CTXND2: variants seen among roughly 807,000 people sequenced by gnomAD.
The protein encoded by CTXND2 is cortexin domain containing 2.
chr1:150,896,013 G>C (rs1424445607), intron 1 of CTXND2, among the ~76,000 whole-genome samples: 1 of 152,184 alleles, frequency 6.6e-6, no homozygotes, highest in Non-Finnish European at 1.5e-5. Context: ...TATAAGACTA[G>C]TTCTCTTTCT....
At chr1:150,894,879 TAAA>T (rs1369427839) in intron 1 of CTXND2, among the ~76,000 whole-genome samples, 1 of 151,754 alleles carries the variant, frequency 6.6e-6, no homozygotes, top group African/African-American at 2.4e-5. Flanking sequence ...CTACTAAAAA[TAAA>T]AAATTAGCCG....
At chr1:150,901,840 C>G (rs587622157) in intron 1 of CTXND2, among the ~76,000 whole-genome samples, 23 of 151,534 alleles carry the variant, frequency 1.5e-4, no homozygotes, top group African/African-American at 5.3e-4. Context: ...ATGGCGTGAA[C>G]CTGGGAGGTG....
chr1:150,901,330 C>G (rs766856650), intron 1 of CTXND2, among the ~76,000 whole-genome samples: 28 of 152,136 alleles, frequency 1.8e-4, no homozygotes, highest in Non-Finnish European at 3.5e-4. Context: ...CTAAATTGCT[C>G]TATAGATAGA....
chr1:150,908,392 T>A (rs587672714), intron 1 of CTXND2, among the ~76,000 whole-genome samples: 85 of 152,322 alleles, frequency 5.6e-4, no homozygotes, highest in African/African-American at 2.0e-3. Context: ...CAACCGTCAA[T>A]GAGGGTTTCA....
At chr1:150,911,316 T>C (rs183075745) in intron 1 of CTXND2, among the ~76,000 whole-genome samples, 1 of 152,258 alleles carries the variant, frequency 6.6e-6, no homozygotes, top group Admixed American at 6.5e-5. Flanking sequence ...TTTTGATTAC[T>C]GTAGCTTTTA....
At chr1:150,901,036 C>T (rs1669015691) in intron 1 of CTXND2, among the ~76,000 whole-genome samples, 2 of 151,974 alleles carry the variant, frequency 1.3e-5, no homozygotes, top group Admixed American at 6.6e-5. Flanking sequence ...CCCTTGAGCC[C>T]AGGAGGTTGA....
chr1:150,900,363 GAAGA>G, intron 1 of CTXND2, among the ~76,000 whole-genome samples: 1 of 152,154 alleles, frequency 6.6e-6, no homozygotes, highest in East Asian at 1.9e-4. Context: ...CCACTGGAAG[GAAGA>G]AAGTCCAGAC....
chr1:150,900,411 A>G (rs1384319633), intron 1 of CTXND2, among the ~76,000 whole-genome samples: 7 of 152,204 alleles, frequency 4.6e-5, no homozygotes, highest in Non-Finnish European at 1.0e-4. Context: ...AACGTTGGAC[A>G]CACCATCTTT....
chr1:150,909,047 C>G (rs1473568639), intron 1 of CTXND2, among the ~76,000 whole-genome samples: 1 of 151,820 alleles, frequency 6.6e-6, no homozygotes, highest in Non-Finnish European at 1.5e-5. Flanking sequence ...TGAGCCCAGC[C>G]TGGCCAACAT....
intron 1 of CTXND2, among the ~76,000 whole-genome samples, chr1:150,909,195 G>T (rs1402332675): frequency 7.0e-6 from 1 of 142,270 alleles, no homozygotes; most frequent in Non-Finnish European, 1.5e-5. Flanking sequence ...CCGAGATCAC[G>T]CCATTGCCCT....
chr1:150,889,390 ACT>A (rs1219628081), intron 1 of CTXND2, among the ~76,000 whole-genome samples: 1 of 142,398 alleles, frequency 7.0e-6, no homozygotes, highest in Non-Finnish European at 1.5e-5. Context: ...ACACAGCAAG[ACT>A]CTGTCTCAAA....
chr1:150,898,405 T>C (rs1316534754), intron 1 of CTXND2, among the ~76,000 whole-genome samples: 1 of 152,102 alleles, frequency 6.6e-6, no homozygotes, highest in Non-Finnish European at 1.5e-5. Context: ...TCTTCTTTTA[T>C]ATGACCTCAG....
At chr1:150,889,998 A>C (rs1249254494) in intron 1 of CTXND2, among the ~76,000 whole-genome samples, 2 of 152,212 alleles carry the variant, frequency 1.3e-5, no homozygotes, top group African/African-American at 4.8e-5. Flanking sequence ...CCGATACCTG[A>C]AAGAACAAAA....
At chr1:150,910,571 T>C (rs976311205) in intron 1 of CTXND2, among the ~76,000 whole-genome samples, 1 of 152,126 alleles carries the variant, frequency 6.6e-6, no homozygotes, top group Non-Finnish European at 1.5e-5. Flanking sequence ...CGAATTTTCT[T>C]GGTACCCTAG....
intron 1 of CTXND2, among the ~76,000 whole-genome samples, chr1:150,896,692 T>C (rs181968388): frequency 3.5e-4 from 53 of 152,294 alleles, no homozygotes; most frequent in African/African-American, 1.2e-3. Flanking sequence ...CTCAAAGTCA[T>C]TCATTCATTC....
At position 150,892,528 on chromosome 1, in the gene CTXND2, C is replaced by CTT. The variant is rs5777740; in HGVS notation, c.-74+5234_-74+5235dup. Among the ~76,000 whole-genome samples, 246 of 123,242 alleles carry CTT rather than the reference C, an allele frequency of 2.0e-3. 1 individual carries two copies. The highest frequency in any genetic ancestry group is 3.4e-3 in the East Asian group (15 of 4,360). 80.9% of individuals were successfully genotyped at this position (123,242 alleles called of 152,430 possible). A position where few individuals can be genotyped will look rare whatever the true frequency, so the allele number is the denominator to read the frequency against. On this transcript the variant is annotated intron_variant, in intron 1 of 1. Transcript: ENST00000636087. Reference sequence around the variant, plus strand: ...TTCAGAATGTCTTATTCTTCTTCTTCTTTTTTTTTTTTTTTTTTTTATTGA... The same window carrying CTT: ...TTCAGAATGTCTTATTCTTCTTCTTCTTTTTTTTTTTTTTTTTTTTTTATTGA...
chr1:150,904,090 G>T (rs587624994), intron 1 of CTXND2: 125 of 664,956 alleles, frequency 1.9e-4, no homozygotes, highest in South Asian at 1.7e-3. Flanking sequence ...AGGATACGCT[G>T]ATGGAGTATT....
intron 1 of CTXND2, among the ~76,000 whole-genome samples, chr1:150,899,980 G>A (rs1557999928): frequency 6.6e-6 from 1 of 152,120 alleles, no homozygotes; most frequent in Non-Finnish European, 1.5e-5. Context: ...GGACCAATCA[G>A]CACTCTGTAA....
chr1:150,900,162 A>G (rs1465977767), intron 1 of CTXND2, among the ~76,000 whole-genome samples: 2 of 152,046 alleles, frequency 1.3e-5, no homozygotes, highest in African/African-American at 4.8e-5. Flanking sequence ...CCTGCTGCTC[A>G]GTCTTTGGGT....
Sources: allele counts gnomAD v4.1 joint callset (sites outside exome capture counted in the v4.1 genomes callset), GRCh38; gene constraint gnomAD v4.1.1; transcripts MANE v1.5; gene names NCBI Gene and HGNC (gene_info 2026-07-23, HGNC 2026-07-21).